Variants in DENND1A observed in about 807,000 individuals in gnomAD.
The protein encoded by DENND1A is DENN domain-containing protein 1A.
DENND1A carries 51 observed loss-of-function variants against 113.7 expected under a neutral mutation model. The ratio of observed to expected loss-of-function variants is 0.45; its 90% CI spans 0.36 to 0.57. The LOEUF (loss-of-function observed/expected upper bound fraction) is 0.57. Among genes scored for constraint, DENND1A ranks in the 20% least tolerant of loss-of-function variants. The probability of loss-of-function intolerance (pLI) is 0.00; values close to 1 mark genes in which losing one functional copy is unlikely to be tolerated. For missense variants in DENND1A, 1,258 were observed against 1,395.9 expected, an observed-to-expected ratio of 0.90 and a Z score of 1.57; for synonymous variants, 565 against 570.8, an observed-to-expected ratio of 0.99 and a Z score of 0.14.
At chr9:123,413,656 C>A (rs554473028) in intron 19 of DENND1A, 2 of 985,324 alleles carry the variant, frequency 2.0e-6, no homozygotes, top group Non-Finnish European at 1.2e-6. Context: ...AGAATGACAC[C>A]GTGGCTTCCC....
intron 2 of DENND1A, among the ~76,000 whole-genome samples, chr9:123,792,887 C>A (rs933518293): frequency 6.6e-6 from 1 of 152,206 alleles, no homozygotes; most frequent in African/African-American, 2.4e-5. Context: ...ATGCAAAAAT[C>A]TTGCCAGCTG....
intron 21 of DENND1A, among the ~76,000 whole-genome samples, chr9:123,392,564 C>T (rs1312039569): frequency 6.6e-6 from 1 of 152,162 alleles, no homozygotes; most frequent in Non-Finnish European, 1.5e-5. Context: ...CCTGCCTGTC[C>T]GGTGGGTGCC....
In DENND1A at chr9:123,667,570, T is replaced by C. The variant is rs147499088; in HGVS notation, c.454-491A>G. On this transcript the variant is annotated intron_variant, in intron 7 of 23. Coordinates refer to ENST00000394215, the MANE Select transcript of DENND1A (RefSeq NM_001352964.2). Reference sequence around the variant, plus strand: ...AGGTGGAGGTTGCAGTGAGCTGAGATTGTGCCACTGCACTCCAGCCTGGGC... The same window carrying C: ...AGGTGGAGGTTGCAGTGAGCTGAGACTGTGCCACTGCACTCCAGCCTGGGC... Among the ~76,000 whole-genome samples the C allele has an allele frequency of 7.3e-3, 1,116 of 152,266 alleles. 13 individuals are homozygous for C. Among genetic ancestry groups the C allele is most frequent in the African/African-American group, 0.026 (1,079 of 41,552 alleles).
At chr9:123,598,284 T>C (rs2059785865) in intron 11 of DENND1A, among the ~76,000 whole-genome samples, 1 of 152,134 alleles carries the variant, frequency 6.6e-6, no homozygotes, top group Non-Finnish European at 1.5e-5. Flanking sequence ...AGTGTCCAAA[T>C]GGTGCTGAAA....
chr9:123,543,892 G>A (rs1000817943), intron 13 of DENND1A, among the ~76,000 whole-genome samples: 3 of 110,142 alleles, frequency 2.7e-5, no homozygotes, highest in African/African-American at 2.0e-4. Context: ...ACAGTGACCA[G>A]GTCTTATTTG....
chr9:123,427,583 G>A (rs911335482), intron 19 of DENND1A, among the ~76,000 whole-genome samples: 15 of 152,112 alleles, frequency 9.9e-5, no homozygotes, highest in South Asian at 2.1e-4. Flanking sequence ...ATGCTCTCTC[G>A]GTTTTAGGAT....
intron 2 of DENND1A, among the ~76,000 whole-genome samples, chr9:123,868,430 A>T (rs541761436): frequency 2.6e-5 from 4 of 152,372 alleles, no homozygotes; most frequent in African/African-American, 9.6e-5. Context: ...TTAAAATAAC[A>T]GCTCCCATTT....
intron 1 of DENND1A, among the ~76,000 whole-genome samples, chr9:123,884,581 T>G (rs1848749254): frequency 6.6e-6 from 1 of 152,036 alleles, no homozygotes; most frequent in Non-Finnish European, 1.5e-5. Context: ...TACTTGTAGC[T>G]CTCTAAGCAA....
At chr9:123,416,095 T>C (rs1338584720) in intron 19 of DENND1A, among the ~76,000 whole-genome samples, 3 of 152,060 alleles carry the variant, frequency 2.0e-5, no homozygotes, top group Non-Finnish European at 4.4e-5. Context: ...ACTACAACAG[T>C]GTGGTTGGTG....
At chr9:123,913,403 G>A (rs1204508420) in intron 1 of DENND1A, among the ~76,000 whole-genome samples, 1 of 152,120 alleles carries the variant, frequency 6.6e-6, no homozygotes, top group Non-Finnish European at 1.5e-5. Context: ...GACATTCCAG[G>A]GTTATAACAA....
At chr9:123,600,917 G>A (rs1157626653) in intron 11 of DENND1A, among the ~76,000 whole-genome samples, 2 of 151,868 alleles carry the variant, frequency 1.3e-5, no homozygotes, top group South Asian at 2.1e-4. Flanking sequence ...CAGTGCCCAC[G>A]AGCTCTCTGT....
At chr9:123,867,676 T>C (rs1201028568) in intron 2 of DENND1A, among the ~76,000 whole-genome samples, 2 of 152,100 alleles carry the variant, frequency 1.3e-5, no homozygotes, top group Non-Finnish European at 1.5e-5. Context: ...CCCTGCCCCA[T>C]TCTCAGGCTA....
At chr9:123,446,114 C>T (rs1485725026) in intron 18 of DENND1A, among the ~76,000 whole-genome samples, 1 of 152,204 alleles carries the variant, frequency 6.6e-6, no homozygotes, top group Non-Finnish European at 1.5e-5. Context: ...AGCCCAAACA[C>T]CACATCTCCA....
chr9:123,699,220 T>C (rs982552815), intron 5 of DENND1A, among the ~76,000 whole-genome samples: 5 of 152,150 alleles, frequency 3.3e-5, no homozygotes, highest in African/African-American at 1.2e-4. Flanking sequence ...ATTCCAACAG[T>C]TGAGAATCAT....
At chr9:123,494,237 G>A (rs2051655114) in intron 13 of DENND1A, among the ~76,000 whole-genome samples, 1 of 152,154 alleles carries the variant, frequency 6.6e-6, no homozygotes, top group Non-Finnish European at 1.5e-5. Flanking sequence ...TTTTTACACT[G>A]GCTGTCCAAA....
chr9:123,896,755 G>T (rs1850819056), intron 1 of DENND1A, among the ~76,000 whole-genome samples: 1 of 152,096 alleles, frequency 6.6e-6, no homozygotes, highest in Non-Finnish European at 1.5e-5. Context: ...CTTAAGAGCA[G>T]GAAAGATACA....
At chr9:123,666,986 A>G in intron 8 of DENND1A, 40 bp downstream of exon 8, 1 of 1,527,226 alleles carries the variant, frequency 6.5e-7, no homozygotes. Context: ...AAAACAGAGA[A>G]GAATAAAAAT....
chr9:123,448,229 A>T lies in DENND1A; in HGVS notation c.1356+2464T>A, dbSNP rs375879754. Reference sequence around the variant, plus strand: ...TATCAAGGAACAGAAAGGGAGAGAGAGTGGAAGGAAAGTGATCTAGATTGT... The same window carrying T: ...TATCAAGGAACAGAAAGGGAGAGAGTGTGGAAGGAAAGTGATCTAGATTGT... On this transcript the variant is annotated intron_variant, in intron 18 of 23. Coordinates refer to ENST00000394215, the MANE Select transcript of DENND1A (RefSeq NM_001352964.2). 4.1e-4 allele frequency among the ~76,000 whole-genome samples: 62 copies of T among 152,318 alleles called. No homozygotes were observed. The South Asian group carries it at 0.012, about 29-fold the overall frequency.
At chr9:123,659,018 T>C (rs1204062800) in intron 8 of DENND1A, among the ~76,000 whole-genome samples, 3 of 152,154 alleles carry the variant, frequency 2.0e-5, no homozygotes. Flanking sequence ...CTGGGCTTCA[T>C]TTCCTCTCCA....
Sources: allele counts gnomAD v4.1 joint callset (sites outside exome capture counted in the v4.1 genomes callset), GRCh38; gene constraint gnomAD v4.1.1; transcripts MANE v1.5; gene names NCBI Gene and HGNC (gene_info 2026-07-23, HGNC 2026-07-21).